Variants in IFT172 observed in about 807,000 individuals in gnomAD.
IFT172 encodes the protein intraflagellar transport 172.
A neutral mutation model predicts 248.9 loss-of-function variants in IFT172; 164 were observed. The observed-to-expected ratio is 0.66, with a 90% CI of 0.58 to 0.75. IFT172 has a LOEUF of 0.75. IFT172 is among the 30% of genes least tolerant of loss of function. IFT172 has a pLI of 0.00. For missense variants in IFT172, 1,950 were observed against 2,192.4 expected (o/e 0.89, Z 2.21); for synonymous variants, 729 against 791.6 (o/e 0.92, Z 1.33).
rs1486720022 is a variant in IFT172 at position 27,483,658 on chromosome 2, A to G, written c.404T>C (p.Val135Ala). ...IIVFGLAEGK[V>A]RLANTKTNKS... ...ATTAGTTTTGGTGTTTGCTAAACGAACCTGAAAATGGAAAAATTGATACAA... is the reference window on the plus strand; with the variant it reads ...ATTAGTTTTGGTGTTTGCTAAACGAGCCTGAAAATGGAAAAATTGATACAA... Residue 135 changes from valine to alanine, a missense_variant and splice_region_variant, in exon 6 of 48, where the codon GTT (valine) becomes GCT (alanine). Transcript: ENST00000260570. The G allele has an allele frequency of 6.2e-7, 1 of 1,614,086 alleles. No individual in the cohort carries two copies. Among genetic ancestry groups the G allele is most frequent in the Non-Finnish European group, 8.5e-7 (1 of 1,180,004 alleles).
Position 27,452,802 on chromosome 2 carries a change from G to A in IFT172, c.3951+582C>T, listed in dbSNP as rs748122985. 2.8e-4 allele frequency among the ~76,000 whole-genome samples: 43 copies of A among 152,206 alleles called. 2 individuals carry two copies. The highest frequency in any genetic ancestry group is 5.9e-5 in the Non-Finnish European group (4 of 68,038). On this transcript the variant is annotated intron_variant, in intron 35 of 47. Coordinates refer to ENST00000260570, the MANE Select transcript of IFT172 (RefSeq NM_015662.3). Reference sequence around the variant, plus strand: ...CGTGAGCCACCATGCCCACCCATGTGGTCTACTGTTGACCAAAACGTTGTT... The same window carrying A: ...CGTGAGCCACCATGCCCACCCATGTAGTCTACTGTTGACCAAAACGTTGTT...
chr2:27,453,679 C>T lies in IFT172; in HGVS notation c.3772G>A (p.Glu1258Lys), dbSNP rs529914770. The part of the protein sequence containing the change: ...ICKDYVPSQL[E>K]ALQEEYEREA... ...CGCTCATATTCTTCCTGCAGAGCCT[C>T]CAGCTGGCTGGGCACATAGTCCTTG... The change falls in exon 34 of 48, where the codon GAG (glutamate) becomes AAG (lysine). Residue 1258 changes from glutamate (E) to lysine (K), a missense_variant. Glu to Lys is a moderately conservative substitution (Grantham distance 56). Around this residue, in one of 3 missense-constraint regions of IFT172, gnomAD observed 620 missense variants for 699.0 expected, o/e 0.89. Coordinates refer to ENST00000260570, the MANE Select transcript of IFT172 (RefSeq NM_015662.3). 2.9e-5 allele frequency: 46 copies of T among 1,612,644 alleles called. No homozygotes were observed. In the Admixed American group the frequency reaches 3.5e-4, roughly 12 times the overall value.
chr2:27,481,029 C>G lies in IFT172; in HGVS notation c.785+17G>C. On this transcript the variant is annotated intron_variant, in intron 8 of 47. Coordinates refer to ENST00000260570, the MANE Select transcript of IFT172 (RefSeq NM_015662.3). The stretch of plus-strand genomic sequence containing the variant: ...CAGGGAAAGTAGGCAGTAGATAAAA[C>G]TGGAAAGGGGACTTACCTGTCATAA... 6.2e-7 allele frequency: 1 copy of G among 1,602,926 alleles called. No individual in the cohort carries two copies. Among genetic ancestry groups the G allele is most frequent in the Non-Finnish European group, 8.5e-7 (1 of 1,170,348 alleles).
chr2:27,449,642 A>G (rs776132774), intron 37 of IFT172, 49 bp downstream of exon 37: 3 of 1,609,752 alleles, frequency 1.9e-6, no homozygotes, highest in African/African-American at 2.7e-5. Context: ...CAGTCTTTAC[A>G]AAAGGAAGTA....
At chr2:27,477,876 C>T in intron 11 of IFT172, 119 bp downstream of exon 11, 1 of 1,272,780 alleles carries the variant, frequency 7.9e-7, no homozygotes, top group Non-Finnish European at 1.1e-6. Context: ...GAAACCAGGT[C>T]CCCTACACCA....
At position 27,444,428 on chromosome 2, in the gene IFT172, C is replaced by T. The variant is rs779876638; in HGVS notation, c.*4G>A. ...AGGCCCTAACTCTTCCTCAGCTCTA[C>T]CAACTACTGAAAGGAAAAGCTGGTG... On this transcript the variant is annotated 3_prime_UTR_variant, in exon 48 of 48. Coordinates refer to ENST00000260570, the MANE Select transcript of IFT172 (RefSeq NM_015662.3). 1.9e-6 allele frequency: 3 copies of T among 1,600,288 alleles called. No individual in the cohort carries two copies. The highest frequency in any genetic ancestry group is 2.6e-6 in the Non-Finnish European group (3 of 1,168,584).
rs377264994 is a variant in IFT172, at chr2:27,454,961, C to T, written c.3372-301G>A. ...CGAAGGGGAAGGGAGGAGTGAGCCT[C>T]GCAGCCCTACACTGACAGGGCTAGG... On this transcript the variant is annotated intron_variant, in intron 30 of 47. Coordinates refer to ENST00000260570, the MANE Select transcript of IFT172 (RefSeq NM_015662.3). This position sits in a 1 kb window ranked among gnomAD's most constrained non-coding sequence, Gnocchi z 4.2. 4.2e-4 allele frequency among the ~76,000 whole-genome samples: 64 copies of T among 152,256 alleles called. No individual in the cohort carries two copies. In the East Asian group the frequency reaches 6.0e-3, roughly 14 times the overall value.
rs1230515921 is a variant in IFT172 at position 27,483,306 on chromosome 2, C to T, written c.553G>A (p.Gly185Ser). ...ATTCATACCTGTGACTCTCCAGAGCCTTCATCATCAAAGAAATACCTAACG... is the reference window on the plus strand; with the variant it reads ...ATTCATACCTGTGACTCTCCAGAGCTTTCATCATCAAAGAAATACCTAACG... ...TIVRYFFDDE[G>S]SGESQGKLVN... is the part of the protein sequence containing the mutation. The change falls in exon 7 of 48, where the codon GGC becomes AGC. Residue 185 changes from glycine (G) to serine (S), a missense_variant. By Grantham distance (56) the Gly-to-Ser change is moderately conservative (BLOSUM62 0). Coordinates refer to ENST00000260570, the MANE Select transcript of IFT172 (RefSeq NM_015662.3). 2 of 1,593,726 alleles carry T rather than the reference C, an allele frequency of 1.3e-6. No individual in the cohort carries two copies. The highest frequency in any genetic ancestry group is 1.7e-6 in the Non-Finnish European group (2 of 1,161,508).
intron 20 of IFT172, 107 bp from the exon 21 acceptor site, chr2:27,461,943 G>C: frequency 8.8e-7 from 1 of 1,131,946 alleles, no homozygotes; most frequent in Admixed American, 1.9e-5. Context: ...AGGACCAAAA[G>C]CCTTTTAACT....
intron 40 of IFT172, 99 bp from the exon 41 acceptor site, chr2:27,448,021 AG>A: frequency 1.3e-6 from 1 of 752,482 alleles, no homozygotes; most frequent in Admixed American, 1.9e-5. Flanking sequence ...CTTTGTGTGT[AG>A]AAATGGGTAT....
intron 29 of IFT172, 88 bp downstream of exon 29, chr2:27,457,551 G>C (rs973436854): frequency 8.6e-7 from 1 of 1,160,776 alleles, no homozygotes; most frequent in Non-Finnish European, 1.3e-6. Flanking sequence ...CTCCAGCCTG[G>C]GTGACAGAGT....
chr2:27,465,830 A>C lies in IFT172; in HGVS notation c.1745T>G (p.Met582Arg). 1 of 1,614,022 alleles carries C rather than the reference A, an allele frequency of 6.2e-7. No individual in the cohort carries two copies. Among genetic ancestry groups the C allele is most frequent in the African/African-American group, 1.3e-5 (1 of 74,984 alleles). ...RGGGKTEVMV[M>R]EGVTTVAYTL... ...GTAGGCAACAGTAGTCACACCTTCC[A>C]TCACCATCACCTCGGTCTTTCCCCC... The change falls in exon 17 of 48, where the codon ATG (methionine) becomes AGG (arginine). Residue 582 changes from methionine (M) to arginine (R), a missense_variant. Transcript: ENST00000260570.
At chr2:27,463,616 T>C (rs1666853949) in intron 18 of IFT172, among the ~76,000 whole-genome samples, 1 of 151,468 alleles carries the variant, frequency 6.6e-6, no homozygotes, top group Admixed American at 6.6e-5. Context: ...TCTTCCGATG[T>C]GGCTCAGGGA....
intron 18 of IFT172, among the ~76,000 whole-genome samples, chr2:27,463,818 G>A (rs1666874899): frequency 6.6e-6 from 1 of 152,098 alleles, no homozygotes; most frequent in African/African-American, 2.4e-5. Context: ...GCAGGTATGA[G>A]CTTGGCACAC....
intron 15 of IFT172, 66 bp downstream of exon 15, chr2:27,472,184 G>A (rs759992858): frequency 9.2e-7 from 1 of 1,090,574 alleles, no homozygotes; most frequent in Non-Finnish European, 1.4e-6. Flanking sequence ...CTCAGTCCCT[G>A]GTGGCAGCTT....
chr2:27,444,501 G>T lies in IFT172; in HGVS notation c.5181C>A (p.Cys1727Ter). The T allele has an allele frequency of 6.2e-7, 1 of 1,613,514 alleles. No individual in the cohort carries two copies. ...GACTGATGAATTTCAGCACGTCCTGGCACACTGGGCTGTGGGAGGTCTGTG... is the reference window on the plus strand; with the variant it reads ...GACTGATGAATTTCAGCACGTCCTGTCACACTGGGCTGTGGGAGGTCTGTG... Reference protein sequence around the residue: ...MAIKTSHSPVCQDVLKFISQW... With the variant: ...MAIKTSHSPV The change falls in exon 48 of 48, where the codon TGC (cysteine) becomes TGA (stop). Residue 1727 changes from cysteine to a stop codon, truncating the protein, a stop_gained. Coordinates refer to ENST00000260570, the MANE Select transcript of IFT172 (RefSeq NM_015662.3). LOFTEE classifies it high-confidence loss of function.
In IFT172 at chr2:27,451,661, GA is replaced by G. The variant is rs1409157383; in HGVS notation, c.3952-1566del. 2.0e-5 allele frequency among the ~76,000 whole-genome samples: 3 copies of G among 152,312 alleles called. No homozygotes were observed. In the East Asian group the frequency reaches 5.8e-4, roughly 29 times the overall value. On this transcript the variant is annotated intron_variant, in intron 35 of 47. Transcript: ENST00000260570. ...GGCACCTGTAGTCCCAGCTACTCAG[GA>G]GGCTGTGGCAGGAGAATGGCCTAAA...
chr2:27,450,262 G>A (rs1246864151), intron 35 of IFT172, among the ~76,000 whole-genome samples, 166 bp from the exon 36 acceptor site: 2 of 152,132 alleles, frequency 1.3e-5, no homozygotes, highest in Admixed American at 6.5e-5. Context: ...TGGTCCATTA[G>A]ATCCTTTGAT....
At chr2:27,457,571 T>C in intron 29 of IFT172, 68 bp downstream of exon 29, 1 of 1,401,256 alleles carries the variant, frequency 7.1e-7, no homozygotes. Context: ...TGAGACCCTT[T>C]CTGAAAAAAA....
Sources: gnomAD v4.1 joint callset for allele counts (sites outside exome capture counted in the v4.1 genomes callset) on GRCh38, gnomAD v4.1.1 for gene constraint, gnomAD v4.1.1 regional missense constraint, Gnocchi (gnomAD v3.1) non-coding constraint, MANE v1.5 for transcripts, NCBI Gene and HGNC (gene_info 2026-07-23, HGNC 2026-07-21) for gene names.